The following PHACTR1 variants were observed in gnomAD, a reference collection of about 807,000 sequenced individuals.
The protein encoded by PHACTR1 is RPEL repeat containing 1.
Under a neutral mutation model 69.2 loss-of-function variants are expected in PHACTR1, and 16 were observed. The observed-to-expected ratio is 0.23, with a 90% CI of 0.16 to 0.35. The LOEUF is 0.35. Among genes scored for constraint, PHACTR1 ranks in the 10% least tolerant of loss-of-function variants. The probability of loss-of-function intolerance (pLI) is 1.00; values close to 1 mark genes in which losing one functional copy is unlikely to be tolerated. For synonymous variants in PHACTR1, 312 were observed against 284.5 expected, an observed-to-expected ratio of 1.10 and a Z score of -0.97; for missense variants, 510 against 734.7, an observed-to-expected ratio of 0.69 and a Z score of 3.54.
chr6:13,191,637 A>T (rs913428075), intron 7 of PHACTR1, among the ~76,000 whole-genome samples: 5 of 152,178 alleles, frequency 3.3e-5, no homozygotes, highest in African/African-American at 1.2e-4. Flanking sequence ...GACAGGCCTG[A>T]TAGAGGAAGT....
chr6:13,052,888 G>A (rs185419002), intron 4 of PHACTR1, among the ~76,000 whole-genome samples: 1 of 152,312 alleles, frequency 6.6e-6, no homozygotes, highest in Admixed American at 6.5e-5. Context: ...GTAGTAGGAA[G>A]TAGACAGCAG....
At chr6:12,853,329 C>A (rs747227415) in intron 4 of PHACTR1, among the ~76,000 whole-genome samples, 3 of 152,120 alleles carry the variant, frequency 2.0e-5, no homozygotes, top group Non-Finnish European at 4.4e-5. Flanking sequence ...GAATCTCCAA[C>A]GAAACACCTA....
intron 7 of PHACTR1, among the ~76,000 whole-genome samples, chr6:13,200,996 A>C (rs76025113): frequency 0.028 from 4,334 of 152,112 alleles, 214 homozygotes; most frequent in African/African-American, 0.097. Flanking sequence ...TAATGCTGGA[A>C]CCCAACCTAG....
chr6:12,910,509 G>A (rs1274340810), intron 4 of PHACTR1, among the ~76,000 whole-genome samples: 1 of 152,132 alleles, frequency 6.6e-6, no homozygotes, highest in Non-Finnish European at 1.5e-5. Context: ...AAAATGTATT[G>A]CTAAGAAAAA....
At chr6:12,891,507 G>A (rs1784170451) in intron 4 of PHACTR1, among the ~76,000 whole-genome samples, 2 of 152,178 alleles carry the variant, frequency 1.3e-5, no homozygotes, top group African/African-American at 4.8e-5. Context: ...AAGATGCTAT[G>A]TGACTCAAAG....
intron 5 of PHACTR1, among the ~76,000 whole-genome samples, chr6:13,085,295 CTG>C (rs752872530): frequency 1.2e-4 from 18 of 151,954 alleles, no homozygotes; most frequent in South Asian, 2.1e-4. Flanking sequence ...GAAAATAATA[CTG>C]TGTTATTAAA....
chr6:13,176,054 G>A (rs1303133115), intron 6 of PHACTR1, among the ~76,000 whole-genome samples: 1 of 152,154 alleles, frequency 6.6e-6, no homozygotes. Flanking sequence ...GGGCAAGAGG[G>A]TAGGCAAGCA....
In PHACTR1 at chr6:12,902,286, G is replaced by T. The variant is rs182251979; in HGVS notation, c.251-151079G>T. 1.4e-4 allele frequency among the ~76,000 whole-genome samples: 21 copies of T among 152,260 alleles called. No homozygotes were observed. In the East Asian group the frequency reaches 3.7e-3, roughly 27 times the overall value. ...AAAAATACAAAAATTAGCTGGATATGGTGGCACGTACCTGTAATATCAGCT... is the reference window on the plus strand; with the variant it reads ...AAAAATACAAAAATTAGCTGGATATTGTGGCACGTACCTGTAATATCAGCT... On this transcript the variant is annotated intron_variant, in intron 4 of 14. Coordinates refer to ENST00000332995, the MANE Select transcript of PHACTR1 (RefSeq NM_030948.6).
chr6:13,004,719 C>G (rs535600456), intron 4 of PHACTR1, among the ~76,000 whole-genome samples: 1 of 152,258 alleles, frequency 6.6e-6, no homozygotes, highest in African/African-American at 2.4e-5. Flanking sequence ...TTGCCTCTTT[C>G]TTATGTGCAA....
intron 5 of PHACTR1, among the ~76,000 whole-genome samples, chr6:13,114,093 C>T (rs904385791): frequency 2.0e-5 from 3 of 152,172 alleles, no homozygotes; most frequent in African/African-American, 7.2e-5. Context: ...GTTGCTGGTG[C>T]TCCTTCATCC....
intron 4 of PHACTR1, among the ~76,000 whole-genome samples, chr6:13,018,211 G>T (rs541516604): frequency 6.6e-6 from 1 of 152,264 alleles, no homozygotes; most frequent in South Asian, 2.1e-4. Context: ...CCCTCATTTT[G>T]CAGGTGAGAA....
intron 10 of PHACTR1, among the ~76,000 whole-genome samples, chr6:13,268,751 C>G (rs1221856612): frequency 6.6e-6 from 1 of 152,170 alleles, no homozygotes; most frequent in Non-Finnish European, 1.5e-5. Context: ...ATTTTCCTCC[C>G]AAATCTCATT....
chr6:13,076,802 A>G (rs960137187), intron 5 of PHACTR1, among the ~76,000 whole-genome samples: 2 of 152,024 alleles, frequency 1.3e-5, no homozygotes, highest in African/African-American at 2.4e-5. Context: ...AGCGTTAAGG[A>G]GAAGCATGTC....
intron 4 of PHACTR1, among the ~76,000 whole-genome samples, chr6:12,777,622 CTTCTTTTTTTT>C (rs1247383127): frequency 2.1e-5 from 2 of 95,254 alleles, no homozygotes; most frequent in Non-Finnish European, 4.2e-5. Flanking sequence ...ACCCTTTCTT[CTTCTTTTTTTT>C]TTTTTTTTTT....
chr6:13,269,712 T>C (rs1263148947), intron 10 of PHACTR1, among the ~76,000 whole-genome samples: 1 of 152,072 alleles, frequency 6.6e-6, no homozygotes, highest in Non-Finnish European at 1.5e-5. Context: ...CACGCACCTG[T>C]AATCCCAGCT....
chr6:12,852,338 T>A (rs960583239), intron 4 of PHACTR1, among the ~76,000 whole-genome samples: 1 of 152,064 alleles, frequency 6.6e-6, no homozygotes, highest in African/African-American at 2.4e-5. Flanking sequence ...AACAAAAATC[T>A]TACCAAAGAA....
intron 6 of PHACTR1, among the ~76,000 whole-genome samples, chr6:13,162,879 G>A (rs1759245619): frequency 6.6e-6 from 1 of 152,130 alleles, no homozygotes; most frequent in Non-Finnish European, 1.5e-5. Flanking sequence ...CCTGAGAGCA[G>A]GCGCTGTGCC....
chr6:12,719,087 G>A (rs1761775064), intron 3 of PHACTR1, among the ~76,000 whole-genome samples: 1 of 152,186 alleles, frequency 6.6e-6, no homozygotes. Flanking sequence ...CCCTCAGAAA[G>A]CTATGTTAGA....
chr6:12,965,519 C>T lies in PHACTR1; in HGVS notation c.251-87846C>T, dbSNP rs536468878. On this transcript the variant is annotated intron_variant, in intron 4 of 14. Transcript: ENST00000332995. ...TTTTGCTGTTTAGAATGGCCCCAAG[C>T]GTCATGCTGAAGTGCGATGCAGTGC... Among the ~76,000 whole-genome samples, 11 of 147,604 alleles carry T rather than the reference C, an allele frequency of 7.5e-5. No homozygotes were observed. In the South Asian group the frequency reaches 2.1e-3, roughly 29 times the overall value.
Sources: allele counts gnomAD v4.1 joint callset (sites outside exome capture counted in the v4.1 genomes callset), GRCh38; gene constraint gnomAD v4.1.1; transcripts MANE v1.5; gene names NCBI Gene and HGNC (gene_info 2026-07-23, HGNC 2026-07-21).